ZMIZ1: variants seen among roughly 807,000 people sequenced by gnomAD.
ZMIZ1 encodes the protein zinc finger MIZ-type containing 1.
Under a neutral mutation model 113.9 loss-of-function variants are expected in ZMIZ1, and 17 were observed. The ratio of observed to expected loss-of-function variants is 0.15; its 90% CI spans 0.10 to 0.22. The LOEUF is 0.22. ZMIZ1 is among the 10% of genes least tolerant of loss of function. The pLI is 1.00. For missense variants in ZMIZ1, 1,059 were observed against 1,477.8 expected (o/e 0.72, Z 4.65); for synonymous variants, 607 against 603.1 (o/e 1.01, Z -0.09).
chr10:79,115,438 A>G (rs1266859752), intron 1 of ZMIZ1, among the ~76,000 whole-genome samples: 1 of 152,174 alleles, frequency 6.6e-6, no homozygotes, highest in Non-Finnish European at 1.5e-5. Context: ...GGAAGGTGAC[A>G]GGTGCTGTGG....
chr10:79,109,516 C>T (rs1166902419), intron 1 of ZMIZ1, among the ~76,000 whole-genome samples: 1 of 152,208 alleles, frequency 6.6e-6, no homozygotes, highest in Non-Finnish European at 1.5e-5. Flanking sequence ...AGCATCTCCA[C>T]CCCACCTCCA....
chr10:79,244,872 C>T (rs529309629), intron 7 of ZMIZ1, among the ~76,000 whole-genome samples: 1 of 152,332 alleles, frequency 6.6e-6, no homozygotes, highest in East Asian at 1.9e-4. Flanking sequence ...AGTTATGGGG[C>T]TCTGGGCCTG....
Position 79,296,337 on chromosome 10 carries a change from T to C in ZMIZ1, c.1231-134T>C, listed in dbSNP as rs1853887496. The C allele has an allele frequency of 2.0e-6, 2 of 1,005,146 alleles. No homozygotes were observed. The highest frequency in any genetic ancestry group is 2.5e-5 in the East Asian group (1 of 40,582). The allele number at this position is 1,005,146 out of a possible 1,614,324, so 62.3% of individuals were successfully genotyped here. ...CAGGACGAGAAGGGGCCCAAAGCAT[T>C]ATCTGGTTTTGTGGGTGGGAAACAG... On this transcript the variant is annotated intron_variant, in intron 12 of 24. Transcript: ENST00000334512. The surrounding 1 kb of genome is among the most constrained non-coding windows in gnomAD (Gnocchi z 4.1).
At chr10:79,269,901 C>T (rs556635285) in intron 7 of ZMIZ1, among the ~76,000 whole-genome samples, 3 of 152,330 alleles carry the variant, frequency 2.0e-5, no homozygotes, top group South Asian at 2.1e-4. Context: ...CCGTGACACC[C>T]GACCCGATCG....
intron 7 of ZMIZ1, among the ~76,000 whole-genome samples, chr10:79,247,233 C>A (rs762387376): frequency 6.6e-6 from 1 of 152,170 alleles, no homozygotes; most frequent in African/African-American, 2.4e-5. Flanking sequence ...GGACCTTTGG[C>A]GACACTCTCA....
intron 1 of ZMIZ1, among the ~76,000 whole-genome samples, chr10:79,105,203 G>A (rs954082920): frequency 1.3e-5 from 2 of 152,120 alleles, no homozygotes; most frequent in Admixed American, 6.5e-5. Context: ...TGTTAACCTC[G>A]GGTGTAAAAA....
At chr10:79,211,892 C>T (rs745461157) in intron 6 of ZMIZ1, among the ~76,000 whole-genome samples, 2 of 152,318 alleles carry the variant, frequency 1.3e-5, no homozygotes, top group African/African-American at 2.4e-5. Flanking sequence ...AGGAGGGAAC[C>T]GGGTTTCACA....
intron 24 of ZMIZ1, among the ~76,000 whole-genome samples, chr10:79,311,851 C>T (rs1487689555): frequency 2.0e-5 from 3 of 151,812 alleles, no homozygotes; most frequent in Admixed American, 6.5e-5. Context: ...TGAGCACCGG[C>T]CCCGCCCATG....
intron 3 of ZMIZ1, among the ~76,000 whole-genome samples, chr10:79,157,386 T>TGTGTGG (rs1845942513): frequency 6.6e-6 from 1 of 151,606 alleles, no homozygotes; most frequent in Non-Finnish European, 1.5e-5. Flanking sequence ...TGTGTGTGTG[T>TGTGTGG]GTGTGTGTGT....
chr10:79,137,822 C>T (rs1215656227), intron 2 of ZMIZ1, among the ~76,000 whole-genome samples: 2 of 139,886 alleles, frequency 1.4e-5, no homozygotes, highest in African/African-American at 3.1e-5. Flanking sequence ...GACGGGCCCT[C>T]GGCTGGGGGG....
intron 3 of ZMIZ1, among the ~76,000 whole-genome samples, chr10:79,152,802 C>T (rs573483550): frequency 6.6e-6 from 1 of 152,382 alleles, no homozygotes; most frequent in African/African-American, 2.4e-5. Flanking sequence ...GAATCTGTAC[C>T]AGTGTCAGCC....
At chr10:79,303,081 C>T (rs909325737) in intron 18 of ZMIZ1, among the ~76,000 whole-genome samples, 1 of 151,842 alleles carries the variant, frequency 6.6e-6, no homozygotes, top group African/African-American at 2.4e-5. Context: ...AGGATGGTCA[C>T]AATCTCCTGA....
intron 8 of ZMIZ1, among the ~76,000 whole-genome samples, chr10:79,280,452 T>G (rs1749855): frequency 0.32 from 47,887 of 151,472 alleles, 7,999 homozygotes; most frequent in East Asian, 0.45. Flanking sequence ...TTCTTTATAG[T>G]TTTGTGGAGA....
At chr10:79,298,689 G>A in intron 15 of ZMIZ1, 109 bp downstream of exon 15, 1 of 1,052,904 alleles carries the variant, frequency 9.5e-7, no homozygotes, top group Middle Eastern at 2.9e-4. Context: ...AGAAGGGGCA[G>A]AGAGTTGAGA....
At position 79,216,263 on chromosome 10, in the gene ZMIZ1, C is replaced by G. The variant is rs751223094; in HGVS notation, c.269C>G (p.Pro90Arg). The change falls in exon 7 of 25, where the codon CCG (proline) becomes CGG (arginine). Residue 90 changes from proline (P) to arginine (R), a missense_variant. This residue lies in a region of ZMIZ1 where 272 missense variants were observed against 350.4 expected (regional missense o/e 0.78). Coordinates refer to ENST00000334512, the MANE Select transcript of ZMIZ1 (RefSeq NM_020338.4). ...GCTGCAAACCGAGACAAGTTCACCC[C>G]GAAGTCTGCCGGTAGGTGTCCGTGG... ...VCAANRDKFT[P>R]KSAALLSSWC... is the part of the protein sequence containing the mutation. 6.3e-7 allele frequency: 1 copy of G among 1,590,270 alleles called. No individual in the cohort carries two copies.
At chr10:79,109,366 C>T (rs1175447127) in intron 1 of ZMIZ1, among the ~76,000 whole-genome samples, 1 of 152,210 alleles carries the variant, frequency 6.6e-6, no homozygotes, top group Non-Finnish European at 1.5e-5. Context: ...GTGCAACACA[C>T]ACCCGGTGCC....
In ZMIZ1 at chr10:79,244,908, G is replaced by GTT. The variant is rs200222050; in HGVS notation, c.280+28634_280+28635insTT. Among the ~76,000 whole-genome samples the GTT allele has an allele frequency of 4.0e-3, 602 of 152,296 alleles. 14 individuals carry two copies. Among genetic ancestry groups the GTT allele is most frequent in the Admixed American group, 0.035 (535 of 15,296 alleles). On this transcript the variant is annotated intron_variant, in intron 7 of 24. Coordinates refer to ENST00000334512, the MANE Select transcript of ZMIZ1 (RefSeq NM_020338.4). ...AAGCTTATCTCCCATCTGCTATGGAGGAAAGGCCCTGTCCCAGGGGTTGCG... is the reference window on the plus strand; with the variant it reads ...AAGCTTATCTCCCATCTGCTATGGAGTTGAAAGGCCCTGTCCCAGGGGTTGCG...
At position 79,314,005 on chromosome 10, in the gene ZMIZ1, TG is replaced by T. The variant is rs111254709; in HGVS notation, c.*1263del. 3 of 455,670 alleles carry T rather than the reference TG, an allele frequency of 6.6e-6. No individual in the cohort carries two copies. The highest frequency in any genetic ancestry group is 1.3e-5 in the Non-Finnish European group (3 of 226,670). The allele number at this position is 455,670 out of a possible 1,614,324, so 28.2% of individuals were successfully genotyped here. A position where few individuals can be genotyped will look rare whatever the true frequency, so the allele number is the denominator to read the frequency against. On this transcript the variant is annotated 3_prime_UTR_variant, in exon 25 of 25. Coordinates refer to ENST00000334512, the MANE Select transcript of ZMIZ1 (RefSeq NM_020338.4). ...GTGCACCAGTATGTACCTGCAGGCATGGGGGGGAGGGGGGCGTGTTTCTGGG... is the reference window on the plus strand; with the variant it reads ...GTGCACCAGTATGTACCTGCAGGCATGGGGGGAGGGGGGCGTGTTTCTGGG...
At chr10:79,229,080 A>T (rs2802363) in intron 7 of ZMIZ1, among the ~76,000 whole-genome samples, 1 of 152,254 alleles carries the variant, frequency 6.6e-6, no homozygotes, top group African/African-American at 2.4e-5. Flanking sequence ...GGGGTCCCAC[A>T]GATCTAGAAT....
Sources: gnomAD v4.1 joint callset for allele counts (sites outside exome capture counted in the v4.1 genomes callset) on GRCh38, gnomAD v4.1.1 for gene constraint, gnomAD v4.1.1 regional missense constraint, Gnocchi (gnomAD v3.1) non-coding constraint, MANE v1.5 for transcripts, NCBI Gene and HGNC (gene_info 2026-07-23, HGNC 2026-07-21) for gene names.